RBFOX1: variants seen among roughly 807,000 people sequenced by gnomAD.
The protein encoded by RBFOX1 is RNA binding protein fox-1 homolog 1.
A neutral mutation model predicts 57.7 loss-of-function variants in RBFOX1; 8 were observed. The ratio of observed to expected loss-of-function variants is 0.14; its 90% CI spans 0.08 to 0.25. The LOEUF (loss-of-function observed/expected upper bound fraction) is 0.25, where lower values mean the gene tolerates loss of function less well. RBFOX1 is among the 10% of genes least tolerant of loss of function. The probability of loss-of-function intolerance (pLI) is 1.00; values close to 1 mark genes in which losing one functional copy is unlikely to be tolerated. For missense variants in RBFOX1, 611 were observed against 548.5 expected (o/e 1.11, Z -1.14); for synonymous variants, 326 against 222.4 (o/e 1.47, Z -4.15).
chr16:7,397,331 A>T (rs1597399493), intron 4 of RBFOX1, among the ~76,000 whole-genome samples: 1 of 152,174 alleles, frequency 6.6e-6, no homozygotes, highest in Non-Finnish European at 1.5e-5. Context: ...TTCACTTTGC[A>T]AGTGACTTTT....
intron 3 of RBFOX1, among the ~76,000 whole-genome samples, chr16:7,048,014 G>C (rs115456001): frequency 0.018 from 2,795 of 151,696 alleles, 81 homozygotes; most frequent in African/African-American, 0.064. Context: ...GAGTAGCTGG[G>C]AATAAAGGTG....
chr16:5,647,848 GTTTTGTTTTTGT>G (rs148601666), intron 3 of RBFOX1, among the ~76,000 whole-genome samples: 8 of 151,846 alleles, frequency 5.3e-5, no homozygotes, highest in South Asian at 2.1e-4. Flanking sequence ...CTTGTAGGCT[GTTTTGTTTTTGT>G]TTTTGTTTTT....
intron 3 of RBFOX1, among the ~76,000 whole-genome samples, chr16:5,735,614 G>A (rs1432111542): frequency 1.3e-5 from 2 of 152,162 alleles, no homozygotes; most frequent in Admixed American, 6.5e-5. Context: ...GTACGTGCAT[G>A]GGCCGGGCCC....
At chr16:6,905,587 C>T (rs77500052) in intron 3 of RBFOX1, among the ~76,000 whole-genome samples, 3 of 151,748 alleles carry the variant, frequency 2.0e-5, no homozygotes, top group African/African-American at 2.4e-5. Context: ...TTGGTTACCC[C>T]TTCAAATCAT....
intron 1 of RBFOX1, among the ~76,000 whole-genome samples, chr16:6,267,901 T>G (rs890645738): frequency 3.9e-5 from 6 of 152,150 alleles, no homozygotes; most frequent in African/African-American, 1.2e-4. Flanking sequence ...CTTTTTATAT[T>G]TATCCCAAAC....
At chr16:5,912,940 A>G (rs9933851) in intron 4 of RBFOX1, among the ~76,000 whole-genome samples, 53,405 of 151,900 alleles carry the variant, frequency 0.35, 9,782 homozygotes, top group East Asian at 0.48. Context: ...AGGACAGCTG[A>G]CCTGGTGGGG....
At chr16:6,703,450 G>T (rs2062175117) in intron 3 of RBFOX1, among the ~76,000 whole-genome samples, 1 of 152,006 alleles carries the variant, frequency 6.6e-6, no homozygotes, top group Non-Finnish European at 1.5e-5. Context: ...CGTGGTACAT[G>T]CCTGTAGTCC....
chr16:7,455,943 A>G (rs1476072686), intron 4 of RBFOX1, among the ~76,000 whole-genome samples: 1 of 152,118 alleles, frequency 6.6e-6, no homozygotes, highest in East Asian at 1.9e-4. Context: ...AATATTATTA[A>G]TGTCCCCTGT....
intron 3 of RBFOX1, among the ~76,000 whole-genome samples, chr16:5,821,477 A>C (rs370898232): frequency 6.6e-6 from 1 of 151,442 alleles, no homozygotes; most frequent in East Asian, 1.9e-4. Context: ...TAATTTTTTC[A>C]GTTTTTGTAG....
At chr16:6,979,096 A>G (rs112610571) in intron 3 of RBFOX1, among the ~76,000 whole-genome samples, 2 of 152,256 alleles carry the variant, frequency 1.3e-5, no homozygotes, top group Admixed American at 1.3e-4. Context: ...TATGTTCAAC[A>G]TGATGATTAT....
At chr16:7,448,833 C>A (rs969304427) in intron 4 of RBFOX1, among the ~76,000 whole-genome samples, 4 of 151,804 alleles carry the variant, frequency 2.6e-5, no homozygotes, top group Non-Finnish European at 5.9e-5. Flanking sequence ...ATTTAGGGCC[C>A]ACTTTAATCC....
intron 1 of RBFOX1, among the ~76,000 whole-genome samples, chr16:5,255,341 CAT>C (rs1366692805): frequency 2.0e-5 from 3 of 149,664 alleles, no homozygotes; most frequent in African/African-American, 7.5e-5. Context: ...TCCATCCATC[CAT>C]CCATCCATCC....
In RBFOX1 at chr16:7,311,144, G is replaced by A. The variant is rs151107797; in HGVS notation, c.28-207003G>A. On this transcript the variant is annotated intron_variant, in intron 4 of 15. Transcript: ENST00000550418. ...AAAGGAAAATAGCCATACATTCAACGTCTACATCCCAAGGAGGGCTTTGAG... is the reference window on the plus strand; with the variant it reads ...AAAGGAAAATAGCCATACATTCAACATCTACATCCCAAGGAGGGCTTTGAG... Among the ~76,000 whole-genome samples, 702 of 152,260 alleles carry A rather than the reference G, an allele frequency of 4.6e-3. 2 individuals are homozygous for A. The highest frequency in any genetic ancestry group is 0.016 in the African/African-American group (657 of 41,548).
At chr16:6,620,248 T>C (rs2098208945) in intron 2 of RBFOX1, among the ~76,000 whole-genome samples, 1 of 152,196 alleles carries the variant, frequency 6.6e-6, no homozygotes, top group Non-Finnish European at 1.5e-5. Context: ...AGATGACTTC[T>C]GGGTCAATAA....
chr16:5,429,461 C>A (rs2067663580), intron 1 of RBFOX1, among the ~76,000 whole-genome samples: 1 of 152,200 alleles, frequency 6.6e-6, no homozygotes, highest in Admixed American at 6.5e-5. Flanking sequence ...AATGGCAAGG[C>A]TCCTTGGTCT....
chr16:5,641,163 A>G lies in RBFOX1; in HGVS notation c.318+42202A>G, dbSNP rs182355845. 2.5e-3 allele frequency among the ~76,000 whole-genome samples: 380 copies of G among 151,402 alleles called. 3 individuals carry two copies. Among genetic ancestry groups the G allele is most frequent in the Admixed American group, 0.023 (355 of 15,210 alleles). ...CATGAATACACACACATGCATGTAC[A>G]CACATGCACACCATGGATACACACA... On this transcript the variant is annotated intron_variant, in intron 3 of 19. Transcript: ENST00000641259.
chr16:7,003,668 A>G (rs2093037298), intron 3 of RBFOX1, among the ~76,000 whole-genome samples: 1 of 152,186 alleles, frequency 6.6e-6, no homozygotes, highest in South Asian at 2.1e-4. Context: ...GTAGCATCAA[A>G]GGAACATAGG....
At chr16:5,479,185 G>T (rs1417565279) in intron 2 of RBFOX1, among the ~76,000 whole-genome samples, 1 of 152,046 alleles carries the variant, frequency 6.6e-6, no homozygotes, top group African/African-American at 2.4e-5. Flanking sequence ...CTTCTGTCAT[G>T]GCCTCTGTTT....
intron 3 of RBFOX1, among the ~76,000 whole-genome samples, chr16:5,865,033 G>T (rs901570074): frequency 6.6e-6 from 1 of 152,128 alleles, no homozygotes; most frequent in Non-Finnish European, 1.5e-5. Flanking sequence ...CCACCTAATG[G>T]GGGGAATAAG....
Sources: gnomAD v4.1 joint callset for allele counts (sites outside exome capture counted in the v4.1 genomes callset) on GRCh38, gnomAD v4.1.1 for gene constraint, MANE v1.5 for transcripts, NCBI Gene and HGNC (gene_info 2026-07-23, HGNC 2026-07-21) for gene names.